RBFOX3: variants seen among roughly 807,000 people sequenced by gnomAD.
RBFOX3 encodes the protein RNA binding protein fox-1 homolog 3.
Under a neutral mutation model 48.7 loss-of-function variants are expected in RBFOX3, and 17 were observed. That is an observed-to-expected ratio of 0.35 (90% CI 0.24 to 0.52). The LOEUF is 0.52. RBFOX3 is among the 20% of genes least tolerant of loss of function. The probability of loss-of-function intolerance (pLI) is 0.94; values close to 1 mark genes in which losing one functional copy is unlikely to be tolerated. For synonymous variants in RBFOX3, 212 were observed against 209.5 expected (o/e 1.01, Z -0.10); for missense variants, 382 against 497.5 (o/e 0.77, Z 2.21).
At chr17:79,273,959 G>A (rs35286044) in intron 3 of RBFOX3, among the ~76,000 whole-genome samples, 1 of 152,190 alleles carries the variant, frequency 6.6e-6, no homozygotes, top group Non-Finnish European at 1.5e-5. Flanking sequence ...CTCTTCCAGG[G>A]TTGGCGATTC....
intron 1 of RBFOX3, among the ~76,000 whole-genome samples, chr17:79,519,229 C>G (rs1169702801): frequency 2.0e-5 from 3 of 152,254 alleles, no homozygotes; most frequent in Non-Finnish European, 4.4e-5. Flanking sequence ...ATGGGGCCAT[C>G]CCTGGGAGCC....
chr17:79,320,256 C>T (rs1054375872), intron 2 of RBFOX3, among the ~76,000 whole-genome samples: 1 of 152,178 alleles, frequency 6.6e-6, no homozygotes, highest in Non-Finnish European at 1.5e-5. Context: ...TGGAGCCGCT[C>T]TTGGTGCTGA....
intron 1 of RBFOX3, among the ~76,000 whole-genome samples, chr17:79,546,527 C>T (rs1355056495): frequency 7.0e-6 from 1 of 142,364 alleles, no homozygotes; most frequent in Non-Finnish European, 1.5e-5. Flanking sequence ...GCCCATCCAT[C>T]TGACGGCTTC....
intron 4 of RBFOX3, among the ~76,000 whole-genome samples, chr17:79,120,479 G>A (rs768247700): frequency 4.6e-5 from 7 of 151,226 alleles, no homozygotes; most frequent in Non-Finnish European, 8.8e-5. Flanking sequence ...GGATGGAAGG[G>A]TGGATAAATG....
At chr17:79,123,255 G>A (rs2147230703) in intron 4 of RBFOX3, among the ~76,000 whole-genome samples, 1 of 152,180 alleles carries the variant, frequency 6.6e-6, no homozygotes, top group South Asian at 2.1e-4. Flanking sequence ...TTGAGGAGGT[G>A]GACACCCCAT....
chr17:79,532,150 A>G (rs1368879212), intron 1 of RBFOX3, among the ~76,000 whole-genome samples: 2 of 151,422 alleles, frequency 1.3e-5, no homozygotes, highest in East Asian at 1.9e-4. Flanking sequence ...GGAACCTCTC[A>G]CAAAGTTGTC....
At chr17:79,660,476 T>C in the RBFOX3 span, among the ~76,000 whole-genome samples, 1 of 152,038 alleles carries the variant, frequency 6.6e-6, no homozygotes, top group Non-Finnish European at 1.5e-5. Context: ...CATTAAAAAG[T>C]AGGCAAGAGA....
intron 3 of RBFOX3, among the ~76,000 whole-genome samples, chr17:79,248,276 T>A (rs926577521): frequency 6.6e-6 from 1 of 151,926 alleles, no homozygotes; most frequent in Non-Finnish European, 1.5e-5. Context: ...CTCTGTCCCC[T>A]GGGCTGGAGT....
intron 2 of RBFOX3, among the ~76,000 whole-genome samples, chr17:79,402,897 G>A (rs924075727): frequency 2.6e-5 from 4 of 152,084 alleles, no homozygotes; most frequent in Non-Finnish European, 4.4e-5. Flanking sequence ...GGGCTGCCCC[G>A]AGGTTGCAGG....
chr17:79,206,442 T>C (rs372049260), intron 4 of RBFOX3, among the ~76,000 whole-genome samples: 10 of 152,260 alleles, frequency 6.6e-5, no homozygotes, highest in Admixed American at 1.3e-4. Context: ...GCAAGTCTCA[T>C]TGAGAGACAC....
intron 2 of RBFOX3, among the ~76,000 whole-genome samples, chr17:79,410,533 C>T (rs1343925644): frequency 6.6e-6 from 1 of 152,178 alleles, no homozygotes; most frequent in Non-Finnish European, 1.5e-5. Flanking sequence ...GAGTTTTCTC[C>T]AGCTGGTCGC....
chr17:79,565,341 CTTT>C (rs1270878476), intron 1 of RBFOX3, among the ~76,000 whole-genome samples: 5 of 138,128 alleles, frequency 3.6e-5, no homozygotes, highest in Middle Eastern at 3.4e-3. Context: ...TTTAGGACAT[CTTT>C]TTTTTTTTTT....
At position 79,535,551 on chromosome 17, in the gene RBFOX3, G is replaced by A. The variant is rs2088571875; in HGVS notation, c.-319-52953C>T. 6.6e-6 allele frequency among the ~76,000 whole-genome samples: 1 copy of A among 152,174 alleles called. No individual in the cohort carries two copies. Among genetic ancestry groups the A allele is most frequent in the East Asian group, 1.9e-4 (1 of 5,180 alleles). On this transcript the variant is annotated intron_variant, in intron 1 of 14. Coordinates refer to ENST00000693108, the MANE Select transcript of RBFOX3 (RefSeq NM_001350451.2). This position sits in a 1 kb window ranked among gnomAD's most constrained non-coding sequence, Gnocchi z 4.5. ...CTCAGATGATCCACAGGCTGGAAGGGGCCCGGCTACCCCTCAAAGTTTCCT... is the reference window on the plus strand; with the variant it reads ...CTCAGATGATCCACAGGCTGGAAGGAGCCCGGCTACCCCTCAAAGTTTCCT...
chr17:79,643,863 T>C, the RBFOX3 span, among the ~76,000 whole-genome samples: 2 of 151,022 alleles, frequency 1.3e-5, no homozygotes, highest in African/African-American at 4.9e-5. Flanking sequence ...TGAACTAAGC[T>C]TCTACCTTAC....
chr17:79,662,300 T>C, the RBFOX3 span, among the ~76,000 whole-genome samples: 1 of 151,794 alleles, frequency 6.6e-6, no homozygotes, highest in Non-Finnish European at 1.5e-5. Flanking sequence ...TTTTTTGTAT[T>C]TCTAGTAGAG....
intron 1 of RBFOX3, among the ~76,000 whole-genome samples, chr17:79,596,020 C>T (rs1202475656): frequency 2.6e-5 from 4 of 152,204 alleles, no homozygotes; most frequent in African/African-American, 9.6e-5. Flanking sequence ...GGATATCTTC[C>T]AGAATTATCT....
At chr17:79,310,132 G>A (rs1024634293) in intron 2 of RBFOX3, among the ~76,000 whole-genome samples, 2 of 152,154 alleles carry the variant, frequency 1.3e-5, no homozygotes, top group African/African-American at 2.4e-5. Flanking sequence ...CAGCTACCCC[G>A]GACGCGGTGT....
At chr17:79,541,110 T>C (rs2089631519) in intron 1 of RBFOX3, among the ~76,000 whole-genome samples, 1 of 152,098 alleles carries the variant, frequency 6.6e-6, no homozygotes, top group East Asian at 1.9e-4. Flanking sequence ...CAGCTTTAAA[T>C]TGAATCAGGA....
intron 4 of RBFOX3, among the ~76,000 whole-genome samples, chr17:79,122,431 T>G (rs535595271): frequency 6.6e-6 from 1 of 152,086 alleles, no homozygotes; most frequent in Non-Finnish European, 1.5e-5. Context: ...CCTAAGGAAT[T>G]TGGCACACAG....
Sources: gnomAD v4.1 joint callset for allele counts (sites outside exome capture counted in the v4.1 genomes callset) on GRCh38, gnomAD v4.1.1 for gene constraint, Gnocchi (gnomAD v3.1) non-coding constraint, MANE v1.5 for transcripts, NCBI Gene and HGNC (gene_info 2026-07-23, HGNC 2026-07-21) for gene names.